The following ATP9B variants were observed in gnomAD, a reference collection of about 807,000 sequenced individuals.
The protein encoded by ATP9B is ATPase phospholipid transporting 9B.
A neutral mutation model predicts 146.1 loss-of-function variants in ATP9B; 110 were observed. That is an observed-to-expected ratio of 0.75 (90% CI 0.65 to 0.88). ATP9B has a LOEUF of 0.88. Among genes scored for constraint, ATP9B ranks in the 40% least tolerant of loss-of-function variants. ATP9B has a pLI of 0.00. For missense variants in ATP9B, 1,499 were observed against 1,496.4 expected, an observed-to-expected ratio of 1.00 and a Z score of -0.03; for synonymous variants, 604 against 569.7, an observed-to-expected ratio of 1.06 and a Z score of -0.86.
At chr18:79,339,231 G>GTGTCATCATAGTAGGAAGTA (rs1568745433) in intron 19 of ATP9B, among the ~76,000 whole-genome samples, 6 of 20,128 alleles carry the variant, frequency 3.0e-4, no homozygotes, top group African/African-American at 1.4e-3. Context: ...AGTAGGAAGT[G>GTGTCATCATAGTAGGAAGTA]TGTCATGATC....
intron 8 of ATP9B, among the ~76,000 whole-genome samples, chr18:79,189,343 T>TA (rs2095340217): frequency 7.3e-6 from 1 of 137,208 alleles, no homozygotes; most frequent in Admixed American, 7.1e-5. Context: ...CGAGACTCCA[T>TA]CAAAAAAAAA....
intron 26 of ATP9B, among the ~76,000 whole-genome samples, chr18:79,366,206 G>A (rs995493025): frequency 8.5e-5 from 13 of 152,238 alleles, no homozygotes; most frequent in Non-Finnish European, 5.9e-5. Context: ...GAGGCATCCC[G>A]AGGGGGTGTG....
chr18:79,234,785 A>G (rs934609334), intron 11 of ATP9B, among the ~76,000 whole-genome samples: 1 of 152,104 alleles, frequency 6.6e-6, no homozygotes, highest in Non-Finnish European at 1.5e-5. Flanking sequence ...AACGGACGGT[A>G]TTTGGTTTAT....
intron 10 of ATP9B, among the ~76,000 whole-genome samples, chr18:79,213,739 G>A (rs2095603701): frequency 6.6e-6 from 1 of 151,968 alleles, no homozygotes; most frequent in Non-Finnish European, 1.5e-5. Context: ...GTTATATGTG[G>A]GTACATTTGT....
intron 9 of ATP9B, among the ~76,000 whole-genome samples, chr18:79,201,009 T>C (rs1190845521): frequency 6.6e-6 from 1 of 152,208 alleles, no homozygotes; most frequent in African/African-American, 2.4e-5. Flanking sequence ...CTTCACCCCA[T>C]GAGGCACAAG....
At chr18:79,082,093 C>T (rs2073329048) in intron 1 of ATP9B, among the ~76,000 whole-genome samples, 1 of 152,126 alleles carries the variant, frequency 6.6e-6, no homozygotes, top group African/African-American at 2.4e-5. Context: ...TTCTTGGAGG[C>T]TTTGTTCATT....
intron 5 of ATP9B, among the ~76,000 whole-genome samples, chr18:79,139,527 C>T (rs2094488843): frequency 2.0e-5 from 3 of 152,108 alleles, no homozygotes; most frequent in Admixed American, 2.0e-4. Flanking sequence ...ATTTTGTTTT[C>T]ATTTTTATCT....
At chr18:79,078,696 T>C in intron 1 of ATP9B, among the ~76,000 whole-genome samples, 1 of 151,768 alleles carries the variant, frequency 6.6e-6, no homozygotes, top group Non-Finnish European at 1.5e-5. Context: ...AGTTCTGGGA[T>C]ACTTGTGCAG....
intron 6 of ATP9B, 67 bp downstream of exon 6, chr18:79,143,927 G>A: frequency 2.1e-6 from 2 of 955,474 alleles, no homozygotes; most frequent in Non-Finnish European, 3.1e-6. Flanking sequence ...CTGATTATAA[G>A]TAACTTCTGA....
intron 7 of ATP9B, among the ~76,000 whole-genome samples, chr18:79,171,882 TTTTTTG>T (rs1409399100): frequency 1.4e-5 from 2 of 145,074 alleles, no homozygotes; most frequent in East Asian, 4.1e-4. Context: ...AGACTCGTTT[TTTTTTG>T]TTTGTTTGTT....
chr18:79,075,619 A>G (rs1008316437), intron 1 of ATP9B, among the ~76,000 whole-genome samples: 2 of 151,892 alleles, frequency 1.3e-5, no homozygotes, highest in African/African-American at 4.8e-5. Flanking sequence ...TAATATAGCT[A>G]CCTCTGCTTT....
intron 26 of ATP9B, among the ~76,000 whole-genome samples, chr18:79,366,756 T>C (rs2097031951): frequency 6.6e-6 from 1 of 151,704 alleles, no homozygotes; most frequent in Non-Finnish European, 1.5e-5. Flanking sequence ...CCCTGTGCCG[T>C]CCCCCACCAC....
chr18:79,113,830 T>C (rs543698039), intron 4 of ATP9B, among the ~76,000 whole-genome samples: 1 of 152,344 alleles, frequency 6.6e-6, no homozygotes, highest in South Asian at 2.1e-4. Flanking sequence ...ATGATGCTTA[T>C]CAATGAATGT....
intron 15 of ATP9B, among the ~76,000 whole-genome samples, chr18:79,318,654 C>T (rs2146831409): frequency 6.6e-6 from 1 of 152,336 alleles, no homozygotes; most frequent in African/African-American, 2.4e-5. Flanking sequence ...CTGCTGCTTG[C>T]TCAGATTTTA....
At chr18:79,228,056 G>T (rs1326408073) in intron 11 of ATP9B, among the ~76,000 whole-genome samples, 1 of 152,212 alleles carries the variant, frequency 6.6e-6, no homozygotes, top group Non-Finnish European at 1.5e-5. Context: ...CTGAACACAT[G>T]AATTCATCAT....
intron 12 of ATP9B, among the ~76,000 whole-genome samples, chr18:79,259,761 A>G (rs1308684610): frequency 6.6e-6 from 1 of 152,224 alleles, no homozygotes; most frequent in Non-Finnish European, 1.5e-5. Context: ...TCCTGGATTT[A>G]GGAGAGAACT....
In ATP9B at chr18:79,110,428, C is replaced by G; in HGVS notation, c.367C>G (p.Pro123Ala). ...AGCTCGCACAGTATGGCTTGGATGT[C>G]CTGAAAAGTGTGAAGAAAAACATCC... ...LKARTVWLGCPEKCEEKHPRN... is the reference protein window; with the variant it reads ...LKARTVWLGCAEKCEEKHPRN... Residue 123 changes from proline (P) to alanine (A), a missense_variant, in exon 3 of 30, where the codon CCT (proline) becomes GCT (alanine). Transcript: ENST00000426216. 1 of 1,612,226 alleles carries G rather than the reference C, an allele frequency of 6.2e-7. No individual in the cohort carries two copies. The highest frequency in any genetic ancestry group is 8.5e-7 in the Non-Finnish European group (1 of 1,178,842).
At chr18:79,343,925 T>C (rs1387147180) in intron 20 of ATP9B, 3 of 366,506 alleles carry the variant, frequency 8.2e-6, no homozygotes, top group Admixed American at 4.5e-5. Flanking sequence ...AAAAGGCAAT[T>C]ACCCTCCCAA....
At chr18:79,250,883 C>T (rs554999631) in intron 11 of ATP9B, among the ~76,000 whole-genome samples, 46 of 152,282 alleles carry the variant, frequency 3.0e-4, no homozygotes, top group African/African-American at 9.9e-4. Flanking sequence ...GCTGGAGCTC[C>T]GAGATGCTGC....
Sources: allele counts gnomAD v4.1 joint callset (sites outside exome capture counted in the v4.1 genomes callset), GRCh38; gene constraint gnomAD v4.1.1; transcripts MANE v1.5; gene names NCBI Gene and HGNC (gene_info 2026-07-23, HGNC 2026-07-21).